Variants in UBR1 observed in about 807,000 individuals in gnomAD.
UBR1 encodes the protein ubiquitin protein ligase E3 component n-recognin 1, also known as E3 ubiquitin-protein ligase UBR1.
Under a neutral mutation model 242.1 loss-of-function variants are expected in UBR1, and 102 were observed. The observed-to-expected ratio is 0.42, with a 90% CI of 0.36 to 0.50. The LOEUF (loss-of-function observed/expected upper bound fraction) is 0.50, where lower values mean the gene tolerates loss of function less well. Among genes scored for constraint, UBR1 ranks in the 20% least tolerant of loss-of-function variants. The pLI is 0.01. For synonymous variants in UBR1, 675 were observed against 684.8 expected (o/e 0.99, Z 0.22); for missense variants, 1,772 against 2,101.8 (o/e 0.84, Z 3.07).
intron 12 of UBR1, among the ~76,000 whole-genome samples, chr15:43,051,404 C>G (rs906959474): frequency 6.6e-5 from 10 of 152,116 alleles, no homozygotes; most frequent in Admixed American, 4.6e-4. Flanking sequence ...GGGAACAACA[C>G]ACACTGGGGT....
At chr15:43,042,208 G>T (rs754876780) in intron 15 of UBR1, among the ~76,000 whole-genome samples, 5 of 152,040 alleles carry the variant, frequency 3.3e-5, no homozygotes, top group Non-Finnish European at 7.4e-5. Context: ...TGAAAGCAAG[G>T]ACTTGAAGAG....
intron 3 of UBR1, among the ~76,000 whole-genome samples, chr15:43,076,037 CG>C (rs1309852311): frequency 7.2e-5 from 11 of 152,004 alleles, no homozygotes; most frequent in Non-Finnish European, 1.3e-4. Context: ...CAAAGCTGGA[CG>C]GTACTGCTGC....
intron 14 of UBR1, among the ~76,000 whole-genome samples, chr15:43,044,996 A>G (rs138745035): frequency 2.0e-5 from 3 of 152,186 alleles, no homozygotes; most frequent in Admixed American, 2.0e-4. Flanking sequence ...AACCCAGAAC[A>G]TTTTTCCCTT....
chr15:42,976,476 A>G (rs770941616), intron 39 of UBR1, among the ~76,000 whole-genome samples: 4 of 152,210 alleles, frequency 2.6e-5, no homozygotes, highest in Non-Finnish European at 5.9e-5. Context: ...AGCAGGTCCA[A>G]GTGGTCTCCC....
chr15:43,006,775 A>AT (rs1411977159), intron 30 of UBR1, among the ~76,000 whole-genome samples: 3 of 152,208 alleles, frequency 2.0e-5, no homozygotes, highest in Non-Finnish European at 4.4e-5. Flanking sequence ...AGCTACTATC[A>AT]TAAAAAAAGG....
chr15:43,103,970 G>A lies in UBR1; in HGVS notation c.81+1972C>T, dbSNP rs190847029. Among the ~76,000 whole-genome samples the A allele has an allele frequency of 4.6e-5, 7 of 152,318 alleles. No individual in the cohort carries two copies. The East Asian group carries it at 1.3e-3, about 29-fold the overall frequency. On this transcript the variant is annotated intron_variant, in intron 1 of 46. Coordinates refer to ENST00000290650, the MANE Select transcript of UBR1 (RefSeq NM_174916.3). ...GGTAGAATGATCTGTAGGGTCTTCA[G>A]TAGACAGAGAGATCCAAGCCAAAAA...
chr15:43,092,041 G>A (rs1319514556), intron 1 of UBR1: 2 of 453,854 alleles, frequency 4.4e-6, no homozygotes, highest in Non-Finnish European at 8.8e-6. Flanking sequence ...CGGAGATCAT[G>A]CCACTGCACT....
At chr15:43,010,286 C>T (rs531912542) in intron 29 of UBR1, among the ~76,000 whole-genome samples, 4 of 151,378 alleles carry the variant, frequency 2.6e-5, no homozygotes, top group Admixed American at 6.6e-5. Flanking sequence ...TTCTAGTGGG[C>T]GCAGGATGCA....
chr15:43,084,520 A>C (rs557132612), intron 2 of UBR1, among the ~76,000 whole-genome samples: 1 of 152,326 alleles, frequency 6.6e-6, no homozygotes, highest in East Asian at 1.9e-4. Flanking sequence ...GCAGTGGCAC[A>C]ATCTCGGCTC....
chr15:43,076,756 G>A (rs376902594), intron 3 of UBR1, among the ~76,000 whole-genome samples: 1 of 135,424 alleles, frequency 7.4e-6, no homozygotes, highest in African/African-American at 2.8e-5. Context: ...GGCAGCCACC[G>A]CGTCCGGGAG....
intron 30 of UBR1, among the ~76,000 whole-genome samples, chr15:43,004,339 C>T (rs896875425): frequency 3.3e-5 from 5 of 151,790 alleles, no homozygotes; most frequent in Admixed American, 2.0e-4. Flanking sequence ...CTCCCTCTTC[C>T]TCTCTCTCTC....
intron 37 of UBR1, among the ~76,000 whole-genome samples, chr15:42,981,735 C>T (rs1056159092): frequency 3.9e-5 from 6 of 152,066 alleles, no homozygotes; most frequent in Non-Finnish European, 8.8e-5. Flanking sequence ...CGTGATCCGC[C>T]GCACCCAGCC....
At chr15:43,082,758 C>A (rs746053901) in intron 2 of UBR1, 42 bp from the exon 3 acceptor site, 20 of 1,405,590 alleles carry the variant, frequency 1.4e-5, no homozygotes, top group East Asian at 2.3e-5. Context: ...TTAGATGACT[C>A]CCACTGATGC....
intron 36 of UBR1, 152 bp from the exon 37 acceptor site, chr15:42,984,145 T>C (rs1438454839): frequency 1.4e-5 from 7 of 511,656 alleles, no homozygotes; most frequent in Non-Finnish European, 2.4e-5. Flanking sequence ...AATTACAATA[T>C]TCTTAATACC....
intron 3 of UBR1, among the ~76,000 whole-genome samples, chr15:43,079,302 T>A (rs1421136335): frequency 6.6e-6 from 1 of 151,686 alleles, no homozygotes; most frequent in African/African-American, 2.4e-5. Context: ...CTCGTCTCGG[T>A]TAAAAAAAAT....
intron 1 of UBR1, among the ~76,000 whole-genome samples, chr15:43,105,185 T>C (rs2034282528): frequency 1.3e-5 from 2 of 152,108 alleles, no homozygotes; most frequent in South Asian, 4.1e-4. Context: ...TTTCTACATA[T>C]CTCCACACTA....
intron 38 of UBR1, 121 bp downstream of exon 38, chr15:42,977,759 C>G: frequency 4.6e-6 from 4 of 867,104 alleles, no homozygotes; most frequent in Non-Finnish European, 7.5e-6. Context: ...ACAGGAGAGA[C>G]CAAACTTTAT....
intron 37 of UBR1, among the ~76,000 whole-genome samples, chr15:42,980,924 TCAA>T (rs1381612281): frequency 6.6e-6 from 1 of 152,106 alleles, no homozygotes; most frequent in African/African-American, 2.4e-5. Flanking sequence ...ACTGCAGAAA[TCAA>T]CATATTAAAA....
At chr15:42,950,208 T>C (rs2031809020) in intron 46 of UBR1, 54 bp downstream of exon 46, 1 of 1,419,312 alleles carries the variant, frequency 7.0e-7, no homozygotes, top group African/African-American at 1.4e-5. Context: ...TAGAAAACAA[T>C]CAACATAAAA....
Sources: gnomAD v4.1 joint callset for allele counts (sites outside exome capture counted in the v4.1 genomes callset) on GRCh38, gnomAD v4.1.1 for gene constraint, MANE v1.5 for transcripts, NCBI Gene and HGNC (gene_info 2026-07-23, HGNC 2026-07-21) for gene names.